The following NBAS variants were observed in gnomAD, a reference collection of about 807,000 sequenced individuals.
The protein encoded by NBAS is NAG/BC035112 fusion.
In NBAS, 219 loss-of-function variants were observed where a neutral mutation model predicts 302.5. That is an observed-to-expected ratio of 0.72 (90% CI 0.65 to 0.81). The LOEUF (loss-of-function observed/expected upper bound fraction) is 0.81. NBAS is among the 30% of genes least tolerant of loss of function. The pLI is 0.00. For missense variants in NBAS, 2,932 were observed against 2,841.6 expected (o/e 1.03, Z -0.72); for synonymous variants, 1,118 against 1,021.6 (o/e 1.09, Z -1.80).
At chr2:15,088,214 T>C in the NBAS span, among the ~76,000 whole-genome samples, 1 of 152,156 alleles carries the variant, frequency 6.6e-6, no homozygotes, top group Non-Finnish European at 1.5e-5. Flanking sequence ...AAGGTAGTCA[T>C]GCTGGTTGTT....
chr2:15,355,933 T>A (rs1273605082), intron 33 of NBAS, among the ~76,000 whole-genome samples: 1 of 152,092 alleles, frequency 6.6e-6, no homozygotes, highest in African/African-American at 2.4e-5. Context: ...TTAAAAAAAA[T>A]TAAAGAATGG....
At chr2:15,137,875 A>T in the NBAS span, among the ~76,000 whole-genome samples, 2 of 152,314 alleles carry the variant, frequency 1.3e-5, no homozygotes, top group East Asian at 3.9e-4. Context: ...TCTTGGACTG[A>T]AGCAACCCTC....
intron 51 of NBAS, among the ~76,000 whole-genome samples, chr2:15,177,489 G>T (rs1412304893): frequency 6.6e-6 from 1 of 152,120 alleles, no homozygotes; most frequent in African/African-American, 2.4e-5. Context: ...GATACACTCT[G>T]CCCATGGAAT....
chr2:15,352,713 C>T (rs774229401), intron 34 of NBAS, among the ~76,000 whole-genome samples: 11 of 152,072 alleles, frequency 7.2e-5, no homozygotes, highest in Non-Finnish European at 1.5e-4. Context: ...TTCCCTTTTC[C>T]GGTGGAATGC....
intron 34 of NBAS, among the ~76,000 whole-genome samples, chr2:15,353,152 C>T (rs1673448578): frequency 6.6e-6 from 1 of 152,164 alleles, no homozygotes; most frequent in Admixed American, 6.5e-5. Context: ...CCCCCCCAAC[C>T]AAAGCCCACC....
At chr2:15,006,825 G>C in the NBAS span, among the ~76,000 whole-genome samples, 1 of 152,186 alleles carries the variant, frequency 6.6e-6, no homozygotes, top group Non-Finnish European at 1.5e-5. Flanking sequence ...AGTACTTTCA[G>C]GTTCATACAT....
the NBAS span, among the ~76,000 whole-genome samples, chr2:15,085,150 G>C: frequency 6.6e-6 from 1 of 152,206 alleles, no homozygotes; most frequent in African/African-American, 2.4e-5. Flanking sequence ...GGCAGAGCTG[G>C]GCCCGGGGTG....
At chr2:15,131,786 C>T in the NBAS span, among the ~76,000 whole-genome samples, 21 of 152,180 alleles carry the variant, frequency 1.4e-4, no homozygotes, top group Admixed American at 1.1e-3. Context: ...GGCCCTGACA[C>T]ATGCTCAGCT....
At chr2:15,191,974 A>G (rs2125143662) in intron 48 of NBAS, among the ~76,000 whole-genome samples, 1 of 152,034 alleles carries the variant, frequency 6.6e-6, no homozygotes, top group African/African-American at 2.4e-5. Context: ...TACCCTCTCC[A>G]CCAGATATCT....
chr2:15,378,739 T>C (rs1346571834), intron 30 of NBAS, among the ~76,000 whole-genome samples: 1 of 152,200 alleles, frequency 6.6e-6, no homozygotes, highest in Admixed American at 6.5e-5. Context: ...CTCAAAGTAC[T>C]GTTTCTACTG....
intron 38 of NBAS, among the ~76,000 whole-genome samples, chr2:15,320,558 T>C (rs904999916): frequency 2.0e-5 from 3 of 152,230 alleles, no homozygotes; most frequent in Middle Eastern, 3.4e-3. Flanking sequence ...AGTCTCAGGA[T>C]ACAAAATCAA....
intron 12 of NBAS, among the ~76,000 whole-genome samples, chr2:15,486,625 C>T (rs1406762154): frequency 1.3e-5 from 2 of 152,142 alleles, no homozygotes; most frequent in African/African-American, 2.4e-5. Context: ...TTTTCAATTT[C>T]TGAGGTCCCC....
chr2:15,139,459 G>A, the NBAS span, among the ~76,000 whole-genome samples: 2 of 151,958 alleles, frequency 1.3e-5, no homozygotes, highest in African/African-American at 4.8e-5. Context: ...ATGAGTTACT[G>A]CTTTTTACTT....
chr2:14,791,691 C>T, the NBAS span, among the ~76,000 whole-genome samples: 1 of 151,954 alleles, frequency 6.6e-6, no homozygotes, highest in African/African-American at 2.4e-5. Context: ...GTAGTCCCAG[C>T]TACTCGGGAA....
intron 38 of NBAS, among the ~76,000 whole-genome samples, chr2:15,316,282 G>A (rs553217048): frequency 1.1e-4 from 16 of 152,256 alleles, no homozygotes; most frequent in Middle Eastern, 3.4e-3. Context: ...GAACAGCTCC[G>A]CTCTGCAGCT....
intron 40 of NBAS, among the ~76,000 whole-genome samples, chr2:15,294,843 T>C (rs7598652): frequency 0.56 from 84,984 of 152,056 alleles, 25,296 homozygotes; most frequent in East Asian, 0.85. Flanking sequence ...ACCAAAACAA[T>C]GAAGAAGGCT....
At chr2:15,508,654 T>C (rs1661988042) in intron 10 of NBAS, among the ~76,000 whole-genome samples, 1 of 152,214 alleles carries the variant, frequency 6.6e-6, no homozygotes, top group Non-Finnish European at 1.5e-5. Flanking sequence ...TGTGTGTCTA[T>C]GTATACAGAC....
intron 11 of NBAS, among the ~76,000 whole-genome samples, chr2:15,499,679 G>C (rs891442726): frequency 6.6e-6 from 1 of 151,910 alleles, no homozygotes; most frequent in Non-Finnish European, 1.5e-5. Context: ...CTAATATATG[G>C]GTGACGAAAT....
chr2:15,481,039 C>T (rs927378048), intron 12 of NBAS, among the ~76,000 whole-genome samples: 2 of 152,186 alleles, frequency 1.3e-5, no homozygotes, highest in African/African-American at 4.8e-5. Context: ...TATGGATTTA[C>T]CTATTCTGGA....
Sources: gnomAD v4.1 joint callset for allele counts (sites outside exome capture counted in the v4.1 genomes callset) on GRCh38, gnomAD v4.1.1 for gene constraint, MANE v1.5 for transcripts, NCBI Gene and HGNC (gene_info 2026-07-23, HGNC 2026-07-21) for gene names.